The following CDC25C variants were observed in gnomAD, a reference collection of about 807,000 sequenced individuals.
The protein encoded by CDC25C is cell division cycle 25C.
In CDC25C, 48 loss-of-function variants were observed where a neutral mutation model predicts 52.5. That is an observed-to-expected ratio of 0.91 (90% confidence interval 0.72 to 1.16). The LOEUF (loss-of-function observed/expected upper bound fraction) is 1.16. CDC25C is among the 50% of genes most tolerant of loss of function. The pLI is 0.00. For synonymous variants in CDC25C, 187 were observed against 206.5 expected (o/e 0.91, Z 0.81); for missense variants, 510 against 566.1 (o/e 0.90, Z 1.01).
chr5:138,326,021 T>A lies in CDC25C; in HGVS notation c.369A>T (p.Pro123=), dbSNP rs146070889. 51 of 1,614,114 alleles carry A rather than the reference T, an allele frequency of 3.2e-5. 1 individual carries two copies. The African/African-American group carries it at 5.5e-4, about 17-fold the overall frequency. ...ACCCAAAAAAAGAGAGGCTACTCAC[T>A]GGGCTACATTTCATTAGGTGCTGGT... ...NHDQHLMKCS[P]AQLLCSTPNG... Residue 123 remains proline (P), a splice_region_variant and synonymous_variant, in exon 5 of 14, where the codon CCA becomes CCT. Coordinates refer to ENST00000323760, the MANE Select transcript of CDC25C (RefSeq NM_001790.5).
chr5:138,326,135 AT>A, intron 4 of CDC25C, 81 bp from the exon 5 acceptor site: 3 of 1,421,968 alleles, frequency 2.1e-6, no homozygotes, highest in Non-Finnish European at 3.0e-6. Flanking sequence ...GCATCCCAAC[AT>A]TTTTCTATTT....
intron 10 of CDC25C, among the ~76,000 whole-genome samples, chr5:138,288,141 T>C (rs1463222849): frequency 6.6e-6 from 1 of 152,084 alleles, no homozygotes; most frequent in Admixed American, 6.6e-5. Context: ...AATGGTGCCA[T>C]CTTGGCTCAC....
chr5:138,328,596 G>T (rs946847688), intron 3 of CDC25C, 67 bp from the exon 4 acceptor site: 2 of 1,340,506 alleles, frequency 1.5e-6, no homozygotes, highest in Non-Finnish European at 2.1e-6. Flanking sequence ...TTTTCCTTCA[G>T]ATTTTCTTCA....
At chr5:138,318,055 G>T (rs867868793) in intron 7 of CDC25C, among the ~76,000 whole-genome samples, 1 of 152,040 alleles carries the variant, frequency 6.6e-6, no homozygotes, top group African/African-American at 2.4e-5. Context: ...TACGCCAGGC[G>T]TGGTGGCTCA....
chr5:138,286,842 A>G (rs1756286250), intron 11 of CDC25C, among the ~76,000 whole-genome samples: 1 of 152,212 alleles, frequency 6.6e-6, no homozygotes, highest in Non-Finnish European at 1.5e-5. Context: ...ATAGACCTGA[A>G]CCACTGGAAG....
chr5:138,316,514 A>G (rs1380396566), intron 7 of CDC25C, among the ~76,000 whole-genome samples: 1 of 151,848 alleles, frequency 6.6e-6, no homozygotes, highest in Non-Finnish European at 1.5e-5. Context: ...GTAAGTCCCC[A>G]CCTTCAGGAC....
chr5:138,319,708 T>C (rs1324215941), intron 6 of CDC25C, among the ~76,000 whole-genome samples: 3 of 151,942 alleles, frequency 2.0e-5, no homozygotes, highest in Non-Finnish European at 2.9e-5. Context: ...ACAACAACAA[T>C]AACAATCAAA....
intron 7 of CDC25C, among the ~76,000 whole-genome samples, chr5:138,306,248 A>G (rs1485392830): frequency 6.6e-6 from 1 of 152,056 alleles, no homozygotes; most frequent in Non-Finnish European, 1.5e-5. Flanking sequence ...ATATCTATTA[A>G]CTTGAAAAAA....
At chr5:138,294,184 G>A (rs1358265298) in intron 7 of CDC25C, among the ~76,000 whole-genome samples, 1 of 149,374 alleles carries the variant, frequency 6.7e-6, no homozygotes, top group Non-Finnish European at 1.5e-5. Flanking sequence ...TGACTACCAT[G>A]CTTGGCTAAT....
Position 138,292,828 on chromosome 5 carries a change from C to T in CDC25C, c.616-712G>A, listed in dbSNP as rs113415936. Among the ~76,000 whole-genome samples the T allele has an allele frequency of 1.9e-3, 292 of 152,240 alleles. 4 individuals carry two copies. The highest frequency in any genetic ancestry group is 6.6e-3 in the African/African-American group (274 of 41,548). ...GCTATATTCAGAGTTGAGGGTCTAT[C>T]AAATGACCTCTGATAACACCTTCCA... On this transcript the variant is annotated intron_variant, in intron 7 of 13. Coordinates refer to ENST00000323760, the MANE Select transcript of CDC25C (RefSeq NM_001790.5).
At chr5:138,320,645 C>T (rs1037692531) in intron 6 of CDC25C, among the ~76,000 whole-genome samples, 1 of 151,780 alleles carries the variant, frequency 6.6e-6, no homozygotes, top group East Asian at 1.9e-4. Context: ...CATGGCAAAA[C>T]CCTGATTCTA....
intron 7 of CDC25C, among the ~76,000 whole-genome samples, chr5:138,314,922 G>A (rs983991144): frequency 8.3e-6 from 1 of 121,176 alleles, no homozygotes; most frequent in African/African-American, 3.1e-5. Context: ...TGCCCAGCCA[G>A]CACTTTTTTT....
In CDC25C at chr5:138,298,266, G is replaced by T. The variant is rs1041709369; in HGVS notation, c.616-6150C>A. On this transcript the variant is annotated intron_variant, in intron 7 of 13. Coordinates refer to ENST00000323760, the MANE Select transcript of CDC25C (RefSeq NM_001790.5). ...TCCTCTTGCCTTAGCCTCCCAAAGT[G>T]CTGGGATTACAGATGTGAGCCACCA... 6.6e-5 allele frequency among the ~76,000 whole-genome samples: 10 copies of T among 151,278 alleles called. No homozygotes were observed. The East Asian group carries it at 1.9e-3, about 29-fold the overall frequency.
At chr5:138,313,963 TTTTCTTTC>T (rs55833555) in intron 7 of CDC25C, among the ~76,000 whole-genome samples, 91 of 106,392 alleles carry the variant, frequency 8.6e-4, no homozygotes, top group Middle Eastern at 5.9e-3. Flanking sequence ...CTATGTCCCT[TTTTCTTTC>T]TTTCTTTCTT....
intron 7 of CDC25C, among the ~76,000 whole-genome samples, chr5:138,301,559 T>C: frequency 7.0e-6 from 1 of 142,658 alleles, no homozygotes; most frequent in East Asian, 2.1e-4. Flanking sequence ...TTCCAGAAAA[T>C]TGAAAAAAAA....
rs535945792 is a variant in CDC25C, at chr5:138,285,393, G to C, written c.*299C>G. ...GCCCGAAGCCCAGAGAGAAAGAGTT[G>C]GCTGGCTTGTGAGAAGACATGAGGA... On this transcript the variant is annotated 3_prime_UTR_variant, in exon 14 of 14. Transcript: ENST00000323760. The C allele has an allele frequency of 3.2e-6, 1 of 310,534 alleles. No homozygotes were observed. The highest frequency in any genetic ancestry group is 6.6e-5 in the East Asian group (1 of 15,264). 19.2% of individuals were successfully genotyped at this position (310,534 alleles called of 1,614,324 possible). A position where few individuals can be genotyped will look rare whatever the true frequency, so the allele number is the denominator to read the frequency against.
intron 7 of CDC25C, among the ~76,000 whole-genome samples, chr5:138,314,154 C>T (rs1473120766): frequency 6.6e-6 from 1 of 151,700 alleles, no homozygotes; most frequent in African/African-American, 2.4e-5. Context: ...CAACACCATG[C>T]CCAGCTAAAT....
intron 7 of CDC25C, among the ~76,000 whole-genome samples, chr5:138,308,156 A>G (rs1758173338): frequency 6.6e-6 from 1 of 152,056 alleles, no homozygotes; most frequent in Non-Finnish European, 1.5e-5. Flanking sequence ...GTGTTGATCC[A>G]TGGCCCACGG....
chr5:138,303,744 C>G (rs1757799817), intron 7 of CDC25C, among the ~76,000 whole-genome samples: 1 of 152,200 alleles, frequency 6.6e-6, no homozygotes, highest in Admixed American at 6.6e-5. Flanking sequence ...TATAATCTCC[C>G]TTTGCTTTTT....
Sources: allele counts gnomAD v4.1 joint callset (sites outside exome capture counted in the v4.1 genomes callset), GRCh38; gene constraint gnomAD v4.1.1; transcripts MANE v1.5; gene names NCBI Gene and HGNC (gene_info 2026-07-23, HGNC 2026-07-21).